Variants in HCN2 observed in about 807,000 individuals in gnomAD.
HCN2 encodes the protein hyperpolarization activated cyclic nucleotide gated potassium and sodium channel 2, also known as potassium/sodium hyperpolarization-activated cyclic nucleotide-gated channel 2.
A neutral mutation model predicts 52.3 loss-of-function variants in HCN2; 20 were observed. The ratio of observed to expected loss-of-function variants is 0.38; its 90% confidence interval spans 0.27 to 0.56. HCN2 has a LOEUF of 0.56. Ranked by LOEUF, HCN2 falls within the 20% of genes least tolerant of loss-of-function variation. The pLI, the probability that HCN2 is intolerant of heterozygous loss-of-function variation, is 0.71. For missense variants in HCN2, 981 were observed against 1,207.7 expected (o/e 0.81, Z 2.78); for synonymous variants, 694 against 537.0 (o/e 1.29, Z -4.04).
intron 7 of HCN2, among the ~76,000 whole-genome samples, chr19:614,438 C>T (rs1434412338): frequency 6.6e-6 from 1 of 152,142 alleles, no homozygotes; most frequent in Non-Finnish European, 1.5e-5. Flanking sequence ...TGAAATCACA[C>T]ACGACTGGGC....
At position 616,289 on chromosome 19, in the gene HCN2, C is replaced by T. The variant is rs1246453198; in HGVS notation, c.2485C>T (p.His829Tyr). The change falls in exon 8 of 8, where the codon CAC becomes TAC. Residue 829 changes from histidine to tyrosine, a missense_variant. His to Tyr is a moderately conservative substitution (Grantham distance 83). Around this residue, in one of 6 missense-constraint regions of HCN2, gnomAD observed 368 missense variants for 314.8 expected, o/e 1.17. Coordinates refer to ENST00000251287, the MANE Select transcript of HCN2 (RefSeq NM_001194.4). ...GTCCGCCTCGCAGCCCTCGCTGCCT[C>T]ACGGCGCCCCCGGCCCCGCGGCCTC... ...PLSASQPSLP[H>Y]GAPGPAASTR... is the part of the protein sequence containing the mutation. 1.9e-6 allele frequency: 2 copies of T among 1,076,416 alleles called. No homozygotes were observed. The highest frequency in any genetic ancestry group is 2.3e-6 in the Non-Finnish European group (2 of 888,800). The allele number at this position is 1,076,416 out of a possible 1,614,324, so 66.7% of individuals were successfully genotyped here. A position where few individuals can be genotyped will look rare whatever the true frequency, so the allele number is the denominator to read the frequency against.
chr19:599,021 G>A (rs1042849874), intron 1 of HCN2, among the ~76,000 whole-genome samples: 12 of 152,198 alleles, frequency 7.9e-5, no homozygotes, highest in African/African-American at 2.4e-4. Flanking sequence ...AAGAGACTGA[G>A]GTTCTCAGGG....
intron 5 of HCN2, 50 bp from the exon 6 acceptor site, chr19:613,198 G>A (rs1983720899): frequency 6.4e-7 from 1 of 1,558,010 alleles, no homozygotes; most frequent in Non-Finnish European, 8.7e-7. Flanking sequence ...GGGCGAGGGG[G>A]AAGCGGGAGT....
At chr19:614,416 A>G (rs1160922998) in intron 7 of HCN2, among the ~76,000 whole-genome samples, 1 of 152,240 alleles carries the variant, frequency 6.6e-6, no homozygotes, top group South Asian at 2.1e-4. Flanking sequence ...AGGGAGGCTT[A>G]TGGACTGGTG....
At chr19:613,039 C>A (rs1043559927) in intron 5 of HCN2, among the ~76,000 whole-genome samples, 2 of 152,202 alleles carry the variant, frequency 1.3e-5, no homozygotes, top group African/African-American at 4.8e-5. Context: ...TGGCAGATGT[C>A]GCCAATACGG....
At chr19:611,304 A>G (rs1421374634) in intron 5 of HCN2, among the ~76,000 whole-genome samples, 2 of 152,170 alleles carry the variant, frequency 1.3e-5, no homozygotes, top group African/African-American at 4.8e-5. Context: ...GGGCCTAGGG[A>G]TGGCGGCCGT....
intron 4 of HCN2, among the ~76,000 whole-genome samples, chr19:609,560 G>C (rs989811920): frequency 5.3e-5 from 8 of 152,230 alleles, no homozygotes; most frequent in African/African-American, 1.7e-4. Context: ...GAGGTCAGGA[G>C]TTTAAGACCA....
rs560397358 is a variant in HCN2, at chr19:613,124, G to C, written c.1585-124G>C. 490 of 1,313,472 alleles carry C rather than the reference G, an allele frequency of 3.7e-4. 2 individuals carry two copies. The African/African-American group carries it at 6.6e-3, about 18-fold the overall frequency. 81.4% of individuals were successfully genotyped at this position (1,313,472 alleles called of 1,614,324 possible). A position where few individuals can be genotyped will look rare whatever the true frequency, so the allele number is the denominator to read the frequency against. On this transcript the variant is annotated intron_variant, in intron 5 of 7. Transcript: ENST00000251287. ...GCGGCAGCAGCTCGGTTCCGGCTAC[G>C]GGGCTGAGCCCGTCTCTCAGACGAG...
Position 612,427 on chromosome 19 carries a change from T to TGTGTGTGTGTGTGTGTGAGA in HCN2, c.1585-820_1585-819insTGTGTGTGTGTGTGTGAGAG. 7.6e-3 allele frequency among the ~76,000 whole-genome samples: 1,087 copies of TGTGTGTGTGTGTGTGTGAGA among 142,258 alleles called. 10 individuals carry two copies. The highest frequency in any genetic ancestry group is 0.02 in the East Asian group (95 of 4,852). The allele number at this position is 142,258 out of a possible 152,430, so 93.3% of individuals were successfully genotyped here. ...GTGTGTGTGTGTGTGTGTGTGTGTG[T>TGTGTGTGTGTGTGTGTGAGA]GAGAGAGAGATGGAGTCTCGCTCTG... On this transcript the variant is annotated intron_variant, in intron 5 of 7. Transcript: ENST00000251287.
At chr19:595,690 G>A (rs538394737) in intron 1 of HCN2, among the ~76,000 whole-genome samples, 6 of 152,178 alleles carry the variant, frequency 3.9e-5, no homozygotes, top group Non-Finnish European at 7.4e-5. Flanking sequence ...GCGAGAGTTC[G>A]GTGAACATCT....
At chr19:609,272 A>ACAG (rs1028280600) in intron 4 of HCN2, among the ~76,000 whole-genome samples, 6 of 152,118 alleles carry the variant, frequency 3.9e-5, no homozygotes, top group African/African-American at 1.2e-4. Flanking sequence ...CGTCCTGGGG[A>ACAG]CAGCAGGGCC....
intron 7 of HCN2, 119 bp from the exon 8 acceptor site, chr19:615,676 G>A: frequency 2.1e-5 from 19 of 897,856 alleles, no homozygotes; most frequent in Middle Eastern, 3.3e-4. Context: ...GGTGGTAAAT[G>A]CATGCTTGCT....
intron 5 of HCN2, among the ~76,000 whole-genome samples, chr19:610,725 G>A (rs556157259): frequency 1.4e-4 from 22 of 152,314 alleles, no homozygotes; most frequent in Admixed American, 9.1e-4. Context: ...CAGGTCCTGG[G>A]GGCACTGAGG....
chr19:607,764 C>T (rs1983470156), intron 3 of HCN2, among the ~76,000 whole-genome samples, 200 bp from the exon 4 acceptor site: 1 of 152,254 alleles, frequency 6.6e-6, no homozygotes, highest in South Asian at 2.1e-4. Flanking sequence ...AGAATCAGCC[C>T]TGGCCCTCCT....
In HCN2 at chr19:616,017, T is replaced by G. The variant is rs1006514014; in HGVS notation, c.2213T>G (p.Phe738Cys). ...ATLQQAAAMS[F>C]CPQVARPLVG... ...CTGCAGCAGGCGGCGGCCATGAGCTTCTGCCCGCAGGTGGCGCGGCCGCTC... is the reference window on the plus strand; with the variant it reads ...CTGCAGCAGGCGGCGGCCATGAGCTGCTGCCCGCAGGTGGCGCGGCCGCTC... Residue 738 changes from phenylalanine (F) to cysteine (C), a missense_variant, in exon 8 of 8, where the codon TTC (phenylalanine) becomes TGC (cysteine). Around this residue, in one of 6 missense-constraint regions of HCN2, gnomAD observed 368 missense variants for 314.8 expected, o/e 1.17. Transcript: ENST00000251287. The G allele has an allele frequency of 7.6e-5, 108 of 1,426,450 alleles. No homozygotes were observed. Among genetic ancestry groups the G allele is most frequent in the Non-Finnish European group, 9.6e-5 (105 of 1,096,824 alleles). 88.4% of individuals were successfully genotyped at this position (1,426,450 alleles called of 1,614,324 possible).
At chr19:610,530 C>G (rs1222220343) in intron 5 of HCN2, 125 bp downstream of exon 5, 10 of 820,348 alleles carry the variant, frequency 1.2e-5, no homozygotes, top group Non-Finnish European at 2.0e-5. Context: ...GGGACTCGAG[C>G]TAGACCTGCG....
intron 1 of HCN2, among the ~76,000 whole-genome samples, chr19:597,320 C>T (rs1205533698): frequency 6.6e-6 from 1 of 152,208 alleles, no homozygotes; most frequent in Non-Finnish European, 1.5e-5. Flanking sequence ...TCCTGCAGTC[C>T]CACTTCCATC....
intron 1 of HCN2, among the ~76,000 whole-genome samples, chr19:595,531 T>C (rs1313071984): frequency 6.6e-6 from 1 of 151,952 alleles, no homozygotes; most frequent in Non-Finnish European, 1.5e-5. Flanking sequence ...CTGCTGCCCC[T>C]CTTCAGCCAC....
rs924536163 is a variant in HCN2, at chr19:617,025, G to C, written c.*551G>C. The C allele has an allele frequency of 3.9e-6, 2 of 508,032 alleles. No homozygotes were observed. Among genetic ancestry groups the C allele is most frequent in the African/African-American group, 2.0e-5 (1 of 50,882 alleles). The allele number at this position is 508,032 out of a possible 1,614,324, so 31.5% of individuals were successfully genotyped here. On this transcript the variant is annotated 3_prime_UTR_variant, in exon 8 of 8. Transcript: ENST00000251287. Reference sequence around the variant, plus strand: ...GGCAGGCCTGGCTGCGCAGGGCGCGGGGGGGAGGCTGGGGTCCCGCCGCCG... The same window carrying C: ...GGCAGGCCTGGCTGCGCAGGGCGCGCGGGGGAGGCTGGGGTCCCGCCGCCG...
Sources: gnomAD v4.1 joint callset for allele counts (sites outside exome capture counted in the v4.1 genomes callset) on GRCh38, gnomAD v4.1.1 for gene constraint, gnomAD v4.1.1 regional missense constraint, MANE v1.5 for transcripts, NCBI Gene and HGNC (gene_info 2026-07-23, HGNC 2026-07-21) for gene names.